NTRK3: variants seen among roughly 807,000 people sequenced by gnomAD.
NTRK3 encodes neurotrophic receptor tyrosine kinase 3, also known as NT-3 growth factor receptor.
In NTRK3, 24 loss-of-function variants were observed where a neutral mutation model predicts 91.7. That is an observed-to-expected ratio of 0.26 (90% CI 0.19 to 0.37). The LOEUF (loss-of-function observed/expected upper bound fraction) is 0.37, where lower values mean the gene tolerates loss of function less well. Among genes scored for constraint, NTRK3 ranks in the 10% least tolerant of loss-of-function variants. NTRK3 has a pLI of 1.00. For missense variants in NTRK3, 880 were observed against 1,068.9 expected, an observed-to-expected ratio of 0.82 and a Z score of 2.46; for synonymous variants, 483 against 404.0, an observed-to-expected ratio of 1.20 and a Z score of -2.34.
intron 17 of NTRK3, among the ~76,000 whole-genome samples, chr15:87,918,288 G>C (rs1472942250): frequency 6.6e-6 from 1 of 152,198 alleles, no homozygotes; most frequent in African/African-American, 2.4e-5. Flanking sequence ...CACCTCAACA[G>C]ATGACAAATC....
exon 19 of NTRK3, chr15:87,874,707 G>A (rs2064903481): frequency 4.3e-6 from 1 of 232,424 alleles, no homozygotes; most frequent in Non-Finnish European, 8.5e-6. Flanking sequence ...TCCAGACCAT[G>A]CCCTCCCTGA....
At chr15:88,215,457 C>T (rs939171265) in intron 3 of NTRK3, among the ~76,000 whole-genome samples, 16 of 152,230 alleles carry the variant, frequency 1.1e-4, no homozygotes, top group Admixed American at 6.5e-5. Context: ...CTCCCCGTGG[C>T]TCCCCTGAAA....
chr15:88,173,821 C>T (rs2045751123), intron 5 of NTRK3, among the ~76,000 whole-genome samples: 1 of 152,232 alleles, frequency 6.6e-6, no homozygotes. Context: ...CTCTGGAGCT[C>T]TAGAGGCAAG....
intron 13 of NTRK3, among the ~76,000 whole-genome samples, chr15:88,083,692 T>C (rs550872967): frequency 6.6e-6 from 1 of 152,190 alleles, no homozygotes; most frequent in Non-Finnish European, 1.5e-5. Flanking sequence ...TGGCTCAAAG[T>C]CACTGCAAGA....
In NTRK3 at chr15:87,916,256, T is replaced by C. The variant is rs2067436877; in HGVS notation, c.2133+12935A>G. 5.0e-5 allele frequency: 16 copies of C among 317,502 alleles called. No homozygotes were observed. The East Asian group carries it at 7.2e-4, about 14-fold the overall frequency. 19.7% of individuals were successfully genotyped at this position (317,502 alleles called of 1,614,324 possible). A position where few individuals can be genotyped will look rare whatever the true frequency, so the allele number is the denominator to read the frequency against. On this transcript the variant is annotated intron_variant, in intron 17 of 18. Coordinates refer to ENST00000394480, the Ensembl canonical transcript of NTRK3. ...TTAATTACAGCTAGTAAAGAAGATA[T>C]CTGTATGGAAATTTATGTATCTTTT...
chr15:87,901,630 T>C (rs2066458479), intron 17 of NTRK3, among the ~76,000 whole-genome samples: 1 of 152,246 alleles, frequency 6.6e-6, no homozygotes, highest in Non-Finnish European at 1.5e-5. Flanking sequence ...ATGTTTATAC[T>C]GTGCTAGGAT....
At chr15:88,131,919 G>T (rs756050282) in intron 10 of NTRK3, 1 of 197,308 alleles carries the variant, frequency 5.1e-6, no homozygotes, top group East Asian at 7.8e-5. Context: ...GCTGGGAGGA[G>T]CGCTTGTCCA....
intron 14 of NTRK3, among the ~76,000 whole-genome samples, chr15:87,962,690 T>C (rs779558715): frequency 6.6e-6 from 1 of 152,210 alleles, no homozygotes; most frequent in Non-Finnish European, 1.5e-5. Flanking sequence ...TGTGGCCTTT[T>C]ACAGCCAGCT....
chr15:88,233,512 A>G lies in NTRK3; in HGVS notation c.248+22394T>C, dbSNP rs1347957885. ...AGCATCCTCGAAAGAGCAAATCCCA[A>G]GACCCTCTAATCCCCCAGCTGCAGA... On this transcript the variant is annotated intron_variant, in intron 3 of 18. Coordinates refer to ENST00000394480, the Ensembl canonical transcript of NTRK3. The surrounding 1 kb of genome is among the most constrained non-coding windows in gnomAD (Gnocchi z 4.2). Among the ~76,000 whole-genome samples the G allele has an allele frequency of 6.6e-6, 1 of 152,146 alleles. No individual in the cohort carries two copies. The highest frequency in any genetic ancestry group is 2.4e-5 in the African/African-American group (1 of 41,412).
At chr15:88,205,454 C>A (rs2048663900) in intron 3 of NTRK3, among the ~76,000 whole-genome samples, 1 of 152,210 alleles carries the variant, frequency 6.6e-6, no homozygotes. Context: ...GGCAGCGATG[C>A]TTACGTGAAA....
At chr15:88,117,810 G>C (rs2052266460) in intron 13 of NTRK3, among the ~76,000 whole-genome samples, 1 of 152,224 alleles carries the variant, frequency 6.6e-6, no homozygotes, top group Non-Finnish European at 1.5e-5. Context: ...TGCTGGGATA[G>C]TGAGGAAGAG....
Position 87,938,997 on chromosome 15 carries a change from TA to T in NTRK3, c.1716+1625del, listed in dbSNP as rs200275471. Among the ~76,000 whole-genome samples, 1,228 of 152,256 alleles carry T rather than the reference TA, an allele frequency of 8.1e-3. 17 individuals are homozygous for T. Among genetic ancestry groups the T allele is most frequent in the African/African-American group, 0.028 (1,162 of 41,550 alleles). ...CAGCAAACTATGCTTATTTTGGTAA[TA>T]AAAAAAGTTATTGGAAAATACCCGC... On this transcript the variant is annotated intron_variant, in intron 15 of 18. Transcript: ENST00000394480.
chr15:87,927,325 T>C (rs890429802), intron 17 of NTRK3: 1 of 152,214 alleles, frequency 6.6e-6, no homozygotes, highest in African/African-American at 2.4e-5. Context: ...CTCCAACCTA[T>C]TGCTAAAATG....
At chr15:88,215,509 G>A (rs1202377955) in intron 3 of NTRK3, among the ~76,000 whole-genome samples, 1 of 152,238 alleles carries the variant, frequency 6.6e-6, no homozygotes, top group Non-Finnish European at 1.5e-5. Context: ...CCAGGAGGGA[G>A]CCACTGAGAG....
At chr15:87,978,650 T>C (rs933854881) in intron 14 of NTRK3, 4 of 231,430 alleles carry the variant, frequency 1.7e-5, no homozygotes, top group Non-Finnish European at 2.6e-5. Flanking sequence ...GTCACACTCA[T>C]TGTGAGCCGT....
At chr15:88,146,192 A>G (rs1383079306) in intron 6 of NTRK3, among the ~76,000 whole-genome samples, 1 of 152,230 alleles carries the variant, frequency 6.6e-6, no homozygotes, top group Non-Finnish European at 1.5e-5. Flanking sequence ...TTCCACCTAC[A>G]GTACACAAGG....
intron 14 of NTRK3, chr15:87,977,331 C>T (rs1447123482): frequency 5.5e-6 from 1 of 182,700 alleles, no homozygotes; most frequent in East Asian, 9.0e-5. Flanking sequence ...AATGTTTTTG[C>T]AAAATTTCCA....
chr15:88,002,835 AG>A (rs1229043160), intron 14 of NTRK3, among the ~76,000 whole-genome samples: 2 of 152,142 alleles, frequency 1.3e-5, no homozygotes, highest in Non-Finnish European at 2.9e-5. Context: ...GGCCTATTGA[AG>A]GAAAAAAAAC....
chr15:88,118,368 C>T (rs1336553899), intron 13 of NTRK3, among the ~76,000 whole-genome samples: 3 of 152,094 alleles, frequency 2.0e-5, no homozygotes, highest in African/African-American at 7.2e-5. Context: ...AAGAATGTTC[C>T]ATGAGAAGAG....
Sources: allele counts gnomAD v4.1 joint callset (sites outside exome capture counted in the v4.1 genomes callset), GRCh38; gene constraint gnomAD v4.1.1; non-coding constraint Gnocchi (gnomAD v3.1); transcripts MANE v1.5; gene names NCBI Gene and HGNC (gene_info 2026-07-23, HGNC 2026-07-21).